NELL2: variants seen among roughly 807,000 people sequenced by gnomAD.
The protein encoded by NELL2 is neural EGFL like 2.
In NELL2, 41 loss-of-function variants were observed where a neutral mutation model predicts 109.6. That is an observed-to-expected ratio of 0.37 (90% CI 0.29 to 0.49). NELL2 has a LOEUF of 0.49. NELL2 is among the 20% of genes least tolerant of loss of function. The probability of loss-of-function intolerance (pLI) is 0.98; values close to 1 mark genes in which losing one functional copy is unlikely to be tolerated. For synonymous variants in NELL2, 355 were observed against 344.7 expected, an observed-to-expected ratio of 1.03 and a Z score of -0.33; for missense variants, 900 against 1,008.3, an observed-to-expected ratio of 0.89 and a Z score of 1.45.
At chr12:44,703,462 GA>G (rs1338043788) in intron 12 of NELL2, among the ~76,000 whole-genome samples, 2 of 151,610 alleles carry the variant, frequency 1.3e-5, no homozygotes, top group African/African-American at 2.4e-5. Context: ...ATCTAATTAT[GA>G]AAAAAAAGAA....
chr12:44,691,259 T>C (rs1306418853), intron 12 of NELL2, among the ~76,000 whole-genome samples: 1 of 152,204 alleles, frequency 6.6e-6, no homozygotes, highest in African/African-American at 2.4e-5. Context: ...TGTCACGTTT[T>C]GGAAATTCCC....
chr12:44,763,317 G>C (rs749008613), intron 9 of NELL2, among the ~76,000 whole-genome samples: 1 of 152,124 alleles, frequency 6.6e-6, no homozygotes, highest in African/African-American at 2.4e-5. Context: ...TTGCTTTGCC[G>C]TAAAAGGTCC....
chr12:44,795,441 A>G (rs1942584507), intron 3 of NELL2, among the ~76,000 whole-genome samples: 1 of 152,154 alleles, frequency 6.6e-6, no homozygotes, highest in African/African-American at 2.4e-5. Context: ...CACCTGTTCA[A>G]GAAGGATTCA....
intron 15 of NELL2, among the ~76,000 whole-genome samples, chr12:44,559,067 C>G (rs1162154472): frequency 1.3e-5 from 2 of 152,140 alleles, no homozygotes; most frequent in South Asian, 2.1e-4. Flanking sequence ...ATTTCATTAT[C>G]TAGCCAAACT....
chr12:44,660,134 C>T, intron 13 of NELL2, among the ~76,000 whole-genome samples: 1 of 152,094 alleles, frequency 6.6e-6, no homozygotes, highest in Non-Finnish European at 1.5e-5. Context: ...AATAAAAGGA[C>T]ACTGGGGACC....
chr12:44,841,586 A>C (rs78867082), intron 2 of NELL2, among the ~76,000 whole-genome samples: 7,314 of 152,302 alleles, frequency 0.048, 621 homozygotes, highest in African/African-American at 0.17. Context: ...GAGAAGCAGA[A>C]GAAAAATGTG....
chr12:44,791,183 CATAT>C (rs748283455), intron 3 of NELL2, among the ~76,000 whole-genome samples: 294 of 15,042 alleles, frequency 0.02, 3 homozygotes, highest in Middle Eastern at 0.042. Flanking sequence ...AGTATTCCAT[CATAT>C]ATATATATAT....
intron 1 of NELL2, among the ~76,000 whole-genome samples, chr12:44,898,079 C>T (rs1254884666): frequency 6.6e-6 from 1 of 152,194 alleles, no homozygotes; most frequent in African/African-American, 2.4e-5. Flanking sequence ...CTGGGCAGGG[C>T]ATCTCTGAAA....
chr12:44,795,975 G>T (rs1942607079), intron 3 of NELL2, among the ~76,000 whole-genome samples: 1 of 152,008 alleles, frequency 6.6e-6, no homozygotes, highest in Non-Finnish European at 1.5e-5. Context: ...ACAGTATAAT[G>T]CAGCAATTTA....
intron 15 of NELL2, 59 bp from the exon 16 acceptor site, chr12:44,532,780 A>G (rs548330290): frequency 1.8e-5 from 27 of 1,521,816 alleles, no homozygotes; most frequent in Non-Finnish European, 2.4e-5. Context: ...AAACTAGAAT[A>G]TTCTGCTACA....
At chr12:44,639,821 G>C (rs1276876033) in intron 13 of NELL2, among the ~76,000 whole-genome samples, 1 of 150,882 alleles carries the variant, frequency 6.6e-6, no homozygotes, top group Non-Finnish European at 1.5e-5. Flanking sequence ...GGCTTACCAT[G>C]ACATCTAGCC....
chr12:44,668,504 C>T (rs531669402), intron 12 of NELL2, among the ~76,000 whole-genome samples: 7 of 152,118 alleles, frequency 4.6e-5, no homozygotes, highest in Non-Finnish European at 8.8e-5. Context: ...ACAGCCAGGG[C>T]CCAGGTGCAC....
At chr12:44,651,475 CACT>C (rs1270773452) in intron 13 of NELL2, among the ~76,000 whole-genome samples, 2 of 152,146 alleles carry the variant, frequency 1.3e-5, no homozygotes, top group Admixed American at 6.5e-5. Flanking sequence ...GCTGATACTA[CACT>C]ATAATGATAT....
At chr12:44,797,768 G>A (rs999886801) in intron 3 of NELL2, among the ~76,000 whole-genome samples, 1 of 149,404 alleles carries the variant, frequency 6.7e-6, no homozygotes, top group Admixed American at 6.7e-5. Context: ...ATGACTTCAG[G>A]ATGAAAGGAT....
intron 15 of NELL2, among the ~76,000 whole-genome samples, chr12:44,559,002 C>G (rs1678904876): frequency 6.6e-6 from 1 of 152,142 alleles, no homozygotes; most frequent in African/African-American, 2.4e-5. Flanking sequence ...GGGGTGTCCA[C>G]CATTACTGAA....
chr12:44,802,994 C>A (rs1181063069), intron 3 of NELL2, among the ~76,000 whole-genome samples: 3 of 151,986 alleles, frequency 2.0e-5, no homozygotes, highest in African/African-American at 7.2e-5. Context: ...AACTTTTCAG[C>A]TCACCAACTT....
rs1945281943 is a variant in NELL2, at chr12:44,875,301, T to C, written c.108A>G (p.Leu36=). Residue 36 remains leucine, a synonymous_variant, in exon 2 of 20, where the codon TTA becomes TTG. Coordinates refer to ENST00000429094, the MANE Select transcript of NELL2 (RefSeq NM_001145108.2). The stretch of plus-strand genomic sequence containing the variant: ...CTCCGGTCGTGGACTCCCCAAGTTC[T>C]AACTCTGTTAAGACGTCAATCTGTA... ...PSLQIDVLTE[L]ELGESTTGVR... 2.5e-6 allele frequency: 4 copies of C among 1,614,150 alleles called. No homozygotes were observed. Among genetic ancestry groups the C allele is most frequent in the Non-Finnish European group, 3.4e-6 (4 of 1,180,024 alleles).
At chr12:44,865,270 GC>G (rs1944958573) in intron 2 of NELL2, among the ~76,000 whole-genome samples, 1 of 137,374 alleles carries the variant, frequency 7.3e-6, no homozygotes, top group South Asian at 2.7e-4. Context: ...CTGGATATTA[GC>G]CCTTTGTCCG....
At chr12:44,514,687 T>G (rs1367689604) in intron 19 of NELL2, among the ~76,000 whole-genome samples, 2 of 151,426 alleles carry the variant, frequency 1.3e-5, no homozygotes, top group Non-Finnish European at 3.0e-5. Flanking sequence ...GTATATCCCT[T>G]GTGGAAAAAG....
Sources: gnomAD v4.1 joint callset for allele counts (sites outside exome capture counted in the v4.1 genomes callset) on GRCh38, gnomAD v4.1.1 for gene constraint, MANE v1.5 for transcripts, NCBI Gene and HGNC (gene_info 2026-07-23, HGNC 2026-07-21) for gene names.